PTPRF: variants seen among roughly 807,000 people sequenced by gnomAD.
PTPRF encodes the protein protein tyrosine phosphatase receptor type F, also known as receptor-type tyrosine-protein phosphatase F.
Under a neutral mutation model 201.8 loss-of-function variants are expected in PTPRF, and 59 were observed. The ratio of observed to expected loss-of-function variants is 0.29; its 90% CI spans 0.24 to 0.36. The LOEUF is 0.36. Among genes scored for constraint, PTPRF ranks in the 10% least tolerant of loss-of-function variants. The pLI, the probability that PTPRF is intolerant of heterozygous loss-of-function variation, is 1.00. For synonymous variants in PTPRF, 1,088 were observed against 1,089.7 expected, an observed-to-expected ratio of 1.00 and a Z score of 0.03; for missense variants, 2,132 against 2,690.5, an observed-to-expected ratio of 0.79 and a Z score of 4.59.
chr1:43,606,795 G>A lies in PTPRF; in HGVS notation c.3703-19G>A, dbSNP rs1326971623. On this transcript the variant is annotated intron_variant, in intron 20 of 33. Coordinates refer to ENST00000359947, the MANE Select transcript of PTPRF (RefSeq NM_002840.5). ...TCTCACGCTGAGCTCACAGCCTGCT[G>A]TTCTCCACCGGGCCACAGAAGCGCT... 1.9e-6 allele frequency: 3 copies of A among 1,610,558 alleles called. No homozygotes were observed. Among genetic ancestry groups the A allele is most frequent in the Non-Finnish European group, 2.5e-6 (3 of 1,178,638 alleles).
intron 8 of PTPRF, 59 bp from the exon 9 acceptor site, chr1:43,590,913 G>T: frequency 6.9e-7 from 1 of 1,449,940 alleles, no homozygotes; most frequent in Non-Finnish European, 9.4e-7. Flanking sequence ...CCCAAGTCTA[G>T]GGTTGGTTCC....
At position 43,605,454 on chromosome 1, in the gene PTPRF, G is replaced by T; in HGVS notation, c.3389+11G>T. The T allele has an allele frequency of 6.2e-7, 1 of 1,610,226 alleles. No homozygotes were observed. Among genetic ancestry groups the T allele is most frequent in the Non-Finnish European group, 8.5e-7 (1 of 1,176,762 alleles). On this transcript the variant is annotated intron_variant, in intron 18 of 33. Transcript: ENST00000359947. ...CCCCTCGCTTGTCAGGTGTGCACAC[G>T]AGGTATCGGGGGAGGCGGGGCAGGG...
chr1:43,619,991 G>A, intron 29 of PTPRF, 104 bp from the exon 30 acceptor site: 1 of 1,570,528 alleles, frequency 6.4e-7, no homozygotes, highest in Non-Finnish European at 8.7e-7. Flanking sequence ...AGGACTTCCT[G>A]GAGGAGGGGT....
chr1:43,607,414 A>G (rs1655386608), intron 21 of PTPRF, among the ~76,000 whole-genome samples: 1 of 152,144 alleles, frequency 6.6e-6, no homozygotes. Context: ...CCCACAGGCC[A>G]TGGATGCTCA....
At chr1:43,589,361 A>T (rs1039242293) in intron 8 of PTPRF, among the ~76,000 whole-genome samples, 1 of 152,100 alleles carries the variant, frequency 6.6e-6, no homozygotes, top group Non-Finnish European at 1.5e-5. Context: ...CCAGGGTCAC[A>T]TAAAAATAAA....
rs1276775648 is a variant in PTPRF at position 43,620,508 on chromosome 1, G to A, written c.5293G>A (p.Val1765Ile). Reference sequence around the variant, plus strand: ...GCGCTCTGCTCGCTACCAGTACTTTGTTGTTGACCCGATGGCTGAGTACAA... The same window carrying A: ...GCGCTCTGCTCGCTACCAGTACTTTATTGTTGACCCGATGGCTGAGTACAA... ...AERSARYQYF[V>I]VDPMAEYNMP... Residue 1765 changes from valine to isoleucine, a missense_variant, in exon 31 of 34, where the codon GTT (valine) becomes ATT (isoleucine). This residue lies in a region of PTPRF where 519 missense variants were observed against 659.5 expected (regional missense o/e 0.79). Coordinates refer to ENST00000359947, the MANE Select transcript of PTPRF (RefSeq NM_002840.5). 1 of 1,613,688 alleles carries A rather than the reference G, an allele frequency of 6.2e-7. No homozygotes were observed. Among genetic ancestry groups the A allele is most frequent in the Admixed American group, 1.7e-5 (1 of 60,010 alleles).
intron 13 of PTPRF, among the ~76,000 whole-genome samples, chr1:43,601,070 C>A (rs1487854661): frequency 6.6e-6 from 1 of 152,210 alleles, no homozygotes; most frequent in Non-Finnish European, 1.5e-5. Context: ...TATTCTGTTC[C>A]ATGCTTCTTG....
intron 26 of PTPRF, 41 bp downstream of exon 26, chr1:43,618,790 G>A (rs1373725388): frequency 1.3e-6 from 2 of 1,581,204 alleles, no homozygotes; most frequent in South Asian, 1.1e-5. Flanking sequence ...CCCAGACACT[G>A]TAAGGACAGT....
rs370900053 is a variant in PTPRF at position 43,540,952 on chromosome 1, G to A, written c.-46+2675G>A. Among the ~76,000 whole-genome samples, 10 of 152,396 alleles carry A rather than the reference G, an allele frequency of 6.6e-5. No homozygotes were observed. The East Asian group carries it at 1.3e-3, about 21-fold the overall frequency. On this transcript the variant is annotated intron_variant, in intron 2 of 33. Transcript: ENST00000359947. ...TAACAAGGCCTGTTTCCGCCTCCGC[G>A]GCCGCTGCTGCAGTGCCACGCGGTG...
At chr1:43,541,327 G>A (rs189627784) in intron 2 of PTPRF, among the ~76,000 whole-genome samples, 1 of 152,370 alleles carries the variant, frequency 6.6e-6, no homozygotes, top group Admixed American at 6.5e-5. Flanking sequence ...CTGTTCTCCA[G>A]CCAGGGAAGC....
chr1:43,620,929 T>C lies in PTPRF; in HGVS notation c.5456T>C (p.Ile1819Thr), dbSNP rs1191150782. The change falls in exon 32 of 34, where the codon ATC becomes ACC. Residue 1819 changes from isoleucine to threonine, a missense_variant. Physicochemically the swap from Ile to Thr is moderately conservative, Grantham distance 89. Coordinates refer to ENST00000359947, the MANE Select transcript of PTPRF (RefSeq NM_002840.5). ...PKTGEGFIDF[I>T]GQVHKTKEQF... Reference sequence around the variant, plus strand: ...ACAGGCGAGGGATTCATTGACTTCATCGGGCAGGTGCATAAGACCAAGGAG... The same window carrying C: ...ACAGGCGAGGGATTCATTGACTTCACCGGGCAGGTGCATAAGACCAAGGAG... The C allele has an allele frequency of 1.2e-6, 2 of 1,614,134 alleles. No individual in the cohort carries two copies. The highest frequency in any genetic ancestry group is 1.7e-6 in the Non-Finnish European group (2 of 1,179,996).
chr1:43,616,047 C>G (rs1657781678), intron 23 of PTPRF, among the ~76,000 whole-genome samples: 1 of 151,954 alleles, frequency 6.6e-6, no homozygotes, highest in African/African-American at 2.4e-5. Flanking sequence ...ATAGTACCGA[C>G]AGGCGTGCAA....
Position 43,553,761 on chromosome 1 carries a change from T to C in PTPRF, c.238-39T>C. 2 of 1,613,692 alleles carry C rather than the reference T, an allele frequency of 1.2e-6. No individual in the cohort carries two copies. The highest frequency in any genetic ancestry group is 1.7e-6 in the Non-Finnish European group (2 of 1,179,820). On this transcript the variant is annotated intron_variant, in intron 4 of 33. Transcript: ENST00000359947. The surrounding 1 kb of genome is among the most constrained non-coding windows in gnomAD (Gnocchi z 4.1). The stretch of plus-strand genomic sequence containing the variant: ...AACTGACCCTGAGCAGGCTCCTGTG[T>C]CCTGAGTAGGCTGTGACCCCATGTC...
Position 43,591,238 on chromosome 1 carries a change from G to T in PTPRF, c.1216G>T (p.Ala406Ser), listed in dbSNP as rs758562785. The change falls in exon 9 of 34, where the codon GCA (alanine) becomes TCA (serine). Residue 406 changes from alanine to serine, a missense_variant. This residue lies in a region of PTPRF where 351 missense variants were observed against 401.7 expected (regional missense o/e 0.87). Coordinates refer to ENST00000359947, the MANE Select transcript of PTPRF (RefSeq NM_002840.5). ...AGGGCCGCCCAGCGAGGCAGTGCGG[G>T]CACGCACGGGAGAACAGGCGCCCTC... ...GRGPPSEAVR[A>S]RTGEQAPSSP... 18 of 1,594,708 alleles carry T rather than the reference G, an allele frequency of 1.1e-5. No individual in the cohort carries two copies. The highest frequency in any genetic ancestry group is 1.4e-5 in the Non-Finnish European group (16 of 1,171,966).
chr1:43,615,549 G>C (rs1036890895), intron 23 of PTPRF, among the ~76,000 whole-genome samples: 28 of 88,280 alleles, frequency 3.2e-4, no homozygotes, highest in Non-Finnish European at 5.6e-4. Flanking sequence ...TAGCTCTGTT[G>C]TCTTTTTTTT....
At chr1:43,550,787 A>G (rs1247676950) in intron 3 of PTPRF, among the ~76,000 whole-genome samples, 5 of 152,172 alleles carry the variant, frequency 3.3e-5, no homozygotes, top group Non-Finnish European at 5.9e-5. Context: ...GGGAGTTTCA[A>G]ACTAGGAACT....
intron 1 of PTPRF, among the ~76,000 whole-genome samples, chr1:43,534,339 A>G (rs1643878140): frequency 6.6e-6 from 1 of 152,146 alleles, no homozygotes; most frequent in Admixed American, 6.5e-5. Context: ...GTTTCCAGAA[A>G]ATGCTCTGTG....
chr1:43,525,934 G>A (rs1643091091), upstream of PTPRF, among the ~76,000 whole-genome samples: 1 of 151,980 alleles, frequency 6.6e-6, no homozygotes, highest in African/African-American at 2.4e-5. Context: ...TGGGTTTGTG[G>A]GGAAGGAGAA....
intron 5 of PTPRF, among the ~76,000 whole-genome samples, chr1:43,559,277 A>AG (rs1645618912): frequency 6.6e-6 from 1 of 152,084 alleles, no homozygotes; most frequent in Non-Finnish European, 1.5e-5. Flanking sequence ...GGGAAGGGGC[A>AG]GTGTGTGCAG....
Sources: gnomAD v4.1 joint callset for allele counts (sites outside exome capture counted in the v4.1 genomes callset) on GRCh38, gnomAD v4.1.1 for gene constraint, gnomAD v4.1.1 regional missense constraint, Gnocchi (gnomAD v3.1) non-coding constraint, MANE v1.5 for transcripts, NCBI Gene and HGNC (gene_info 2026-07-23, HGNC 2026-07-21) for gene names.